The following ZNF407 variants were observed in gnomAD, a reference collection of about 807,000 sequenced individuals.
ZNF407 encodes zinc finger protein 407.
In ZNF407, 17 loss-of-function variants were observed where a neutral mutation model predicts 131.2. That is an observed-to-expected ratio of 0.13 (90% CI 0.09 to 0.19). The LOEUF (loss-of-function observed/expected upper bound fraction) is 0.19, where lower values mean the gene tolerates loss of function less well. ZNF407 is among the 10% of genes least tolerant of loss of function. The pLI, the probability that ZNF407 is intolerant of heterozygous loss-of-function variation, is 1.00. For synonymous variants in ZNF407, 1,156 were observed against 1,062.0 expected, an observed-to-expected ratio of 1.09 and a Z score of -1.72; for missense variants, 2,681 against 2,830.6, an observed-to-expected ratio of 0.95 and a Z score of 1.20.
intron 4 of ZNF407, among the ~76,000 whole-genome samples, chr18:74,834,985 T>A (rs1970535451): frequency 6.6e-6 from 1 of 152,208 alleles, no homozygotes; most frequent in Non-Finnish European, 1.5e-5. Context: ...TGTACAGAGT[T>A]GAGGATGATA....
At chr18:74,780,044 A>C (rs1969567040) in intron 3 of ZNF407, among the ~76,000 whole-genome samples, 1 of 151,716 alleles carries the variant, frequency 6.6e-6, no homozygotes, top group Non-Finnish European at 1.5e-5. Context: ...CTCAGCATTT[A>C]ATATTATCAC....
intron 8 of ZNF407, among the ~76,000 whole-genome samples, chr18:74,985,652 G>A (rs748453502): frequency 1.3e-5 from 2 of 152,144 alleles, no homozygotes; most frequent in African/African-American, 2.4e-5. Flanking sequence ...AGAGAGGATC[G>A]AGCAGAAGGG....
At chr18:74,877,686 G>A (rs1971178656) in intron 5 of ZNF407, among the ~76,000 whole-genome samples, 1 of 152,124 alleles carries the variant, frequency 6.6e-6, no homozygotes, top group African/African-American at 2.4e-5. Context: ...GATCTTTATA[G>A]AAGGTCATAT....
chr18:74,715,984 A>C (rs1482671086), intron 3 of ZNF407, among the ~76,000 whole-genome samples: 1 of 152,120 alleles, frequency 6.6e-6, no homozygotes, highest in Non-Finnish European at 1.5e-5. Context: ...ATTATTTCCC[A>C]TCCGTAAGAA....
intron 3 of ZNF407, among the ~76,000 whole-genome samples, chr18:74,687,086 G>A (rs897565291): frequency 3.3e-5 from 5 of 152,172 alleles, no homozygotes; most frequent in Admixed American, 6.5e-5. Context: ...GGTGGCTTAT[G>A]CCTATAACCC....
intron 4 of ZNF407, among the ~76,000 whole-genome samples, chr18:74,850,801 G>A (rs2145145902): frequency 6.6e-6 from 1 of 152,274 alleles, no homozygotes; most frequent in Non-Finnish European, 1.5e-5. Flanking sequence ...TCCGTATTAT[G>A]TTTATTCAGT....
At chr18:74,953,620 G>A (rs919730261) in intron 8 of ZNF407, among the ~76,000 whole-genome samples, 32 of 152,138 alleles carry the variant, frequency 2.1e-4, no homozygotes, top group Non-Finnish European at 2.1e-4. Flanking sequence ...GCTAGGCTTC[G>A]TTTAGAGAGG....
intron 7 of ZNF407, among the ~76,000 whole-genome samples, chr18:74,891,702 A>G (rs964893377): frequency 4.6e-5 from 7 of 152,214 alleles, no homozygotes; most frequent in Non-Finnish European, 8.8e-5. Flanking sequence ...TTTAAAAAAC[A>G]AACATTATTA....
intron 3 of ZNF407, among the ~76,000 whole-genome samples, chr18:74,670,199 A>G (rs751354959): frequency 3.3e-5 from 5 of 152,226 alleles, no homozygotes; most frequent in Non-Finnish European, 7.3e-5. Context: ...GATTTTTTCC[A>G]ACACAAAGAT....
intron 4 of ZNF407, among the ~76,000 whole-genome samples, chr18:74,805,876 A>G (rs1038910149): frequency 6.6e-6 from 1 of 152,242 alleles, no homozygotes; most frequent in African/African-American, 2.4e-5. Context: ...TTGTGTGAGA[A>G]AATTGAGATA....
At position 74,671,422 on chromosome 18, in the gene ZNF407, T is replaced by C. The variant is rs190144049; in HGVS notation, c.4802+30300T>C. On this transcript the variant is annotated intron_variant, in intron 3 of 8. Coordinates refer to ENST00000299687, the MANE Select transcript of ZNF407 (RefSeq NM_017757.3). ...AAGGTGTGTTATATAGTTAAACTCA[T>C]GTCACGGGGGTTTGTTGTACATATT... Among the ~76,000 whole-genome samples the C allele has an allele frequency of 2.2e-4, 34 of 152,252 alleles. No individual in the cohort carries two copies. The East Asian group carries it at 6.6e-3, about 29-fold the overall frequency.
At chr18:74,739,434 A>G (rs1375934577) in intron 3 of ZNF407, among the ~76,000 whole-genome samples, 6 of 151,856 alleles carry the variant, frequency 4.0e-5, no homozygotes, top group Non-Finnish European at 1.5e-5. Context: ...ACTAAAAAGT[A>G]GGTGGTCATT....
intron 8 of ZNF407, among the ~76,000 whole-genome samples, chr18:75,026,561 C>G (rs1391103411): frequency 6.6e-6 from 1 of 152,182 alleles, no homozygotes; most frequent in Non-Finnish European, 1.5e-5. Context: ...AAATTTGGAA[C>G]TCTTTCAAAC....
intron 3 of ZNF407, 128 bp downstream of exon 3, chr18:74,641,250 T>G: frequency 1.5e-6 from 1 of 657,334 alleles, no homozygotes; most frequent in Admixed American, 2.5e-5. Flanking sequence ...TCCTTTCCAT[T>G]GTTATGGTAA....
chr18:74,827,679 A>C (rs933769400), intron 4 of ZNF407, among the ~76,000 whole-genome samples: 1 of 152,134 alleles, frequency 6.6e-6, no homozygotes, highest in Admixed American at 6.5e-5. Context: ...AGATAATGGC[A>C]TTTAGAAACC....
chr18:74,818,707 A>G (rs1033992809), intron 4 of ZNF407, among the ~76,000 whole-genome samples: 23 of 152,230 alleles, frequency 1.5e-4, no homozygotes, highest in Non-Finnish European at 8.8e-5. Flanking sequence ...AATATCACAC[A>G]TATTTGTGGC....
chr18:74,947,689 G>C (rs1343288352), intron 8 of ZNF407, among the ~76,000 whole-genome samples: 1 of 151,114 alleles, frequency 6.6e-6, no homozygotes, highest in African/African-American at 2.5e-5. Flanking sequence ...GCCAAGATCA[G>C]AGTCAGCCTC....
At chr18:74,611,916 G>T (rs1258774564) in intron 1 of ZNF407, among the ~76,000 whole-genome samples, 1 of 152,120 alleles carries the variant, frequency 6.6e-6, no homozygotes, top group Admixed American at 6.5e-5. Flanking sequence ...AAACTCATGC[G>T]CATGAGTGCC....
chr18:74,704,126 C>A (rs568315621), intron 3 of ZNF407, among the ~76,000 whole-genome samples: 1 of 152,280 alleles, frequency 6.6e-6, no homozygotes, highest in East Asian at 1.9e-4. Context: ...GAGGCACAGA[C>A]CCATAGCTTT....
Sources: gnomAD v4.1 joint callset for allele counts (sites outside exome capture counted in the v4.1 genomes callset) on GRCh38, gnomAD v4.1.1 for gene constraint, MANE v1.5 for transcripts, NCBI Gene and HGNC (gene_info 2026-07-23, HGNC 2026-07-21) for gene names.